SYTL5: variants seen among roughly 807,000 people sequenced by gnomAD.
SYTL5 encodes the protein synaptotagmin-like protein 5.
Under a neutral mutation model 55.9 loss-of-function variants are expected in SYTL5, and 34 were observed. The ratio of observed to expected loss-of-function variants is 0.61; its 90% CI spans 0.46 to 0.81. The LOEUF is 0.81. SYTL5 is among the 30% of genes least tolerant of loss of function. The pLI, the probability that SYTL5 is intolerant of heterozygous loss-of-function variation, is 0.00. For missense variants in SYTL5, 637 were observed against 546.7 expected (o/e 1.17, Z -1.65); for synonymous variants, 221 against 188.7 (o/e 1.17, Z -1.40).
At chrX:37,892,530 GTATATGTA>G in the SYTL5 span, among the ~76,000 whole-genome samples, 25 of 96,809 alleles carry the variant, frequency 2.6e-4, no homozygotes, top group Non-Finnish European at 4.7e-4. Context: ...TACATATATA[GTATATGTA>G]TATATGTATG....
intron 2 of SYTL5, among the ~76,000 whole-genome samples, chrX:38,052,058 G>C (rs1490107512): frequency 8.9e-6 from 1 of 111,989 alleles, no homozygotes; most frequent in Admixed American, 9.5e-5. Flanking sequence ...AACTTCCAGG[G>C]TTTCTTCATG....
intron 1 of SYTL5, among the ~76,000 whole-genome samples, chrX:38,007,358 C>A (rs1361900406): frequency 1.8e-5 from 2 of 111,225 alleles, no homozygotes; most frequent in Non-Finnish European, 3.8e-5. Flanking sequence ...TAAAAAATTT[C>A]TCCTTAATGT....
chrX:38,119,463 C>A (rs763593735), intron 13 of SYTL5, among the ~76,000 whole-genome samples: 1 of 112,201 alleles, frequency 8.9e-6, no homozygotes, highest in Non-Finnish European at 1.9e-5. Context: ...TGGCTTTTTT[C>A]ACTCAGTATA....
chrX:37,966,910 AC>A, the SYTL5 span, among the ~76,000 whole-genome samples: 1 of 111,225 alleles, frequency 9.0e-6, no homozygotes, highest in Non-Finnish European at 1.9e-5. Flanking sequence ...CTGTTTAGCA[AC>A]CTTTTATTTC....
intron 1 of SYTL5, among the ~76,000 whole-genome samples, chrX:38,012,240 T>A (rs1235886815): frequency 8.9e-6 from 1 of 112,229 alleles, no homozygotes; most frequent in Non-Finnish European, 1.9e-5. Context: ...GTTTTGGTGT[T>A]GTGCAGTCAA....
At chrX:37,989,789 A>T in the SYTL5 span, among the ~76,000 whole-genome samples, 1 of 111,731 alleles carries the variant, frequency 9.0e-6, no homozygotes, top group African/African-American at 3.3e-5. Context: ...CAAGAAATAC[A>T]CATCTGGGCT....
At chrX:37,943,169 A>C in the SYTL5 span, among the ~76,000 whole-genome samples, 1 of 112,236 alleles carries the variant, frequency 8.9e-6, no homozygotes, top group Non-Finnish European at 1.9e-5. Flanking sequence ...AATTCTCACT[A>C]CATTTGTTAA....
At chrX:37,910,967 C>CTTTTT in the SYTL5 span, among the ~76,000 whole-genome samples, 12 of 82,754 alleles carry the variant, frequency 1.5e-4, 1 homozygote, top group African/African-American at 4.4e-4. Flanking sequence ...GATAGCATTA[C>CTTTTT]TTTTTTTTTT....
At chrX:37,903,841 C>A in the SYTL5 span, among the ~76,000 whole-genome samples, 116 of 111,224 alleles carry the variant, frequency 1.0e-3, no homozygotes, top group Non-Finnish European at 1.9e-3. Context: ...GTTTCCTGAC[C>A]ACCTCCTGCC....
the SYTL5 span, among the ~76,000 whole-genome samples, chrX:38,000,937 G>T: frequency 9.0e-6 from 1 of 111,670 alleles, no homozygotes; most frequent in Admixed American, 9.5e-5. Flanking sequence ...CTGTCGGTGC[G>T]CTCTGCCAGC....
At chrX:38,093,273 A>T (rs754772951) in intron 7 of SYTL5, among the ~76,000 whole-genome samples, 3 of 112,401 alleles carry the variant, frequency 2.7e-5, no homozygotes, top group African/African-American at 9.7e-5. Context: ...TGAGTTCATC[A>T]GAGTGTCCCT....
chrX:38,011,166 ATGTT>A (rs750543027), intron 1 of SYTL5, among the ~76,000 whole-genome samples: 1 of 112,272 alleles, frequency 8.9e-6, no homozygotes, highest in Non-Finnish European at 1.9e-5. Flanking sequence ...GTGGTAATAA[ATGTT>A]TGATATTTTT....
At chrX:38,038,705 C>T (rs1054440593) in intron 2 of SYTL5, among the ~76,000 whole-genome samples, 16 of 111,875 alleles carry the variant, frequency 1.4e-4, no homozygotes, top group Admixed American at 9.5e-5. Flanking sequence ...TGGCTGTTTA[C>T]CATGAGCCAC....
At chrX:37,991,142 T>C in the SYTL5 span, 7 of 1,209,440 alleles carry the variant, frequency 5.8e-6, no homozygotes, top group African/African-American at 1.1e-4. Context: ...CTGAGAGTGA[T>C]GTGACTCGCT....
chrX:37,929,803 G>A, the SYTL5 span, among the ~76,000 whole-genome samples: 3 of 112,041 alleles, frequency 2.7e-5, no homozygotes, highest in Admixed American at 2.8e-4. Flanking sequence ...GTTATTAGAT[G>A]ACTTTAGGGT....
At chrX:37,926,001 C>T in the SYTL5 span, among the ~76,000 whole-genome samples, 4 of 111,629 alleles carry the variant, frequency 3.6e-5, no homozygotes, top group Non-Finnish European at 5.6e-5. Flanking sequence ...TTTATCCACT[C>T]GTTGATTGAT....
chrX:37,939,353 C>G, the SYTL5 span, among the ~76,000 whole-genome samples: 1 of 111,691 alleles, frequency 9.0e-6, no homozygotes, highest in Non-Finnish European at 1.9e-5. Context: ...GTTTTAGTCA[C>G]AAATTTATAC....
intron 8 of SYTL5, among the ~76,000 whole-genome samples, chrX:38,095,332 G>A (rs780282661): frequency 5.4e-5 from 6 of 111,868 alleles, no homozygotes; most frequent in South Asian, 3.7e-4. Context: ...AATTGAGTAC[G>A]TACTCTGTGT....
chrX:37,991,251 G>A, the SYTL5 span: 36 of 1,154,642 alleles, frequency 3.1e-5, no homozygotes, highest in South Asian at 5.5e-4. Flanking sequence ...GCAAAAATGT[G>A]TCACAGCTGA....
Sources: gnomAD v4.1 joint callset for allele counts (sites outside exome capture counted in the v4.1 genomes callset) on GRCh38, gnomAD v4.1.1 for gene constraint, MANE v1.5 for transcripts, NCBI Gene and HGNC (gene_info 2026-07-23, HGNC 2026-07-21) for gene names.